SLC2A9: variants seen among roughly 807,000 people sequenced by gnomAD.
SLC2A9 encodes the protein solute carrier family 2 member 9, also known as solute carrier family 2, facilitated glucose transporter member 9.
Under a neutral mutation model 50.6 loss-of-function variants are expected in SLC2A9, and 39 were observed. The ratio of observed to expected loss-of-function variants is 0.77; its 90% confidence interval spans 0.60 to 1.01. The LOEUF (loss-of-function observed/expected upper bound fraction) is 1.01. Among genes scored for constraint, SLC2A9 ranks in the 50% least tolerant of loss-of-function variants. SLC2A9 has a pLI of 0.00. For missense variants in SLC2A9, 686 were observed against 677.6 expected (o/e 1.01, Z -0.14); for synonymous variants, 324 against 276.9 (o/e 1.17, Z -1.69).
At chr4:9,915,871 T>A (rs1742765242) in intron 7 of SLC2A9, among the ~76,000 whole-genome samples, 1 of 152,216 alleles carries the variant, frequency 6.6e-6, no homozygotes, top group South Asian at 2.1e-4. Context: ...AAAACCAAAG[T>A]TATTAATAAC....
intron 8 of SLC2A9, among the ~76,000 whole-genome samples, chr4:9,901,594 A>T (rs553620730): frequency 6.6e-6 from 1 of 152,372 alleles, no homozygotes; most frequent in African/African-American, 2.4e-5. Flanking sequence ...CAAAGAAAAC[A>T]ATCAACAGAG....
intron 10 of SLC2A9, among the ~76,000 whole-genome samples, chr4:9,849,997 G>A (rs762748067): frequency 8.5e-5 from 13 of 152,122 alleles, no homozygotes; most frequent in South Asian, 2.1e-4. Context: ...ATCTCCCACC[G>A]AGAGACCGGG....
intron 10 of SLC2A9, among the ~76,000 whole-genome samples, chr4:9,854,462 G>A (rs997502201): frequency 9.9e-5 from 15 of 152,244 alleles, no homozygotes; most frequent in African/African-American, 3.4e-4. Flanking sequence ...TGAATTGGCA[G>A]TTAAAAGCCT....
At chr4:9,893,668 A>C (rs1417608413) in intron 8 of SLC2A9, among the ~76,000 whole-genome samples, 2 of 152,128 alleles carry the variant, frequency 1.3e-5, no homozygotes, top group Non-Finnish European at 2.9e-5. Flanking sequence ...GGGTTTCATC[A>C]AAGAGGAGAC....
intron 5 of SLC2A9, among the ~76,000 whole-genome samples, chr4:9,946,106 A>C (rs936961853): frequency 6.6e-6 from 1 of 152,252 alleles, no homozygotes; most frequent in East Asian, 1.9e-4. Flanking sequence ...GTAAAGCCCT[A>C]GAGCGTCCAT....
intron 3 of SLC2A9, among the ~76,000 whole-genome samples, chr4:9,785,099 G>A (rs763145936): frequency 2.0e-5 from 3 of 152,106 alleles, no homozygotes; most frequent in Non-Finnish European, 4.4e-5. Context: ...GGATAGCTAA[G>A]CGAACCATTA....
Position 9,964,199 on chromosome 4 carries a change from T to C in SLC2A9, c.681+16393A>G, listed in dbSNP as rs576837653. 1.0e-3 allele frequency among the ~76,000 whole-genome samples: 156 copies of C among 152,250 alleles called. 1 individual carries two copies. The highest frequency in any genetic ancestry group is 3.5e-3 in the African/African-American group (146 of 41,530). ...ATACAAAAGAGTCTGAAATTATACA[T>C]GTCGTGTAGGTTTCAGAATCTTGGT... is the stretch of plus-strand genomic sequence containing the variant. On this transcript the variant is annotated intron_variant, in intron 5 of 11. Coordinates refer to ENST00000264784, the MANE Select transcript of SLC2A9 (RefSeq NM_020041.3).
chr4:9,862,916 A>C (rs556922462), intron 10 of SLC2A9, among the ~76,000 whole-genome samples: 1 of 152,140 alleles, frequency 6.6e-6, no homozygotes, highest in East Asian at 1.9e-4. Flanking sequence ...GTGCTTGATT[A>C]ATACTTTTAA....
At chr4:9,869,386 C>A (rs188371330) in intron 10 of SLC2A9, among the ~76,000 whole-genome samples, 3 of 152,340 alleles carry the variant, frequency 2.0e-5, no homozygotes, top group Non-Finnish European at 4.4e-5. Context: ...GTTCTAATTT[C>A]TGTCTACCTT....
At chr4:9,786,286 A>G (rs1268365091) in intron 3 of SLC2A9, among the ~76,000 whole-genome samples, 1 of 152,192 alleles carries the variant, frequency 6.6e-6, no homozygotes, top group Non-Finnish European at 1.5e-5. Flanking sequence ...AGGCTAAATA[A>G]CCAGCCTGTG....
chr4:10,031,701 C>T (rs1236953616), intron 1 of SLC2A9, among the ~76,000 whole-genome samples: 3 of 152,218 alleles, frequency 2.0e-5, no homozygotes, highest in Admixed American at 6.5e-5. Context: ...CGGAGGACTC[C>T]GTTGCAGAAC....
At chr4:9,778,436 T>C (rs1465412878), downstream of SLC2A9, among the ~76,000 whole-genome samples, 1 of 152,102 alleles carries the variant, frequency 6.6e-6, no homozygotes, top group African/African-American at 2.4e-5. Context: ...TTGCATTTCT[T>C]AAGTTGTGTG....
intron 9 of SLC2A9, 28 bp from the exon 10 acceptor site, chr4:9,887,670 G>A (rs373039295): frequency 1.4e-6 from 2 of 1,470,690 alleles, no homozygotes; most frequent in South Asian, 1.4e-5. Flanking sequence ...GTGGTCAGGT[G>A]AGGAGGTGAT....
At position 10,021,477 on chromosome 4, in the gene SLC2A9, T is replaced by C; in HGVS notation, c.-48A>G. The C allele has an allele frequency of 6.2e-7, 1 of 1,612,768 alleles. No individual in the cohort carries two copies. On this transcript the variant is annotated 5_prime_UTR_variant, in exon 1 of 12. Coordinates refer to ENST00000264784, the MANE Select transcript of SLC2A9 (RefSeq NM_020041.3). The stretch of plus-strand genomic sequence containing the variant: ...GGCTCAGTCCAGGGACCCCAGACTC[T>C]GCCAAGGCATTTCCGTGAGTGAGGA...
intron 5 of SLC2A9, among the ~76,000 whole-genome samples, chr4:9,962,945 T>A (rs1752504170): frequency 1.3e-5 from 2 of 152,192 alleles, no homozygotes; most frequent in African/African-American, 4.8e-5. Flanking sequence ...AATGGTGTTT[T>A]CCTTCCCTTC....
chr4:9,988,771 G>A (rs529277241), intron 3 of SLC2A9, among the ~76,000 whole-genome samples: 2 of 152,304 alleles, frequency 1.3e-5, no homozygotes, highest in East Asian at 3.9e-4. Flanking sequence ...CAAATACAAG[G>A]AAGCATGGTA....
At chr4:9,867,024 G>A (rs898280163) in intron 10 of SLC2A9, among the ~76,000 whole-genome samples, 1 of 152,234 alleles carries the variant, frequency 6.6e-6, no homozygotes, top group Non-Finnish European at 1.5e-5. Context: ...GAGACGAACA[G>A]TAGTCCTTCA....
intron 7 of SLC2A9, among the ~76,000 whole-genome samples, chr4:9,910,058 G>A (rs1349481631): frequency 2.0e-5 from 3 of 152,214 alleles, no homozygotes; most frequent in African/African-American, 7.2e-5. Flanking sequence ...TAAATTTTGT[G>A]AAGAAAGTAA....
At chr4:9,884,218 T>C (rs1735754453) in intron 10 of SLC2A9, among the ~76,000 whole-genome samples, 1 of 152,240 alleles carries the variant, frequency 6.6e-6, no homozygotes, top group African/African-American at 2.4e-5. Flanking sequence ...GAATTCAGAC[T>C]GCACATGTGA....
Sources: allele counts gnomAD v4.1 joint callset (sites outside exome capture counted in the v4.1 genomes callset), GRCh38; gene constraint gnomAD v4.1.1; transcripts MANE v1.5; gene names NCBI Gene and HGNC (gene_info 2026-07-23, HGNC 2026-07-21).